RAET1E: variants seen among roughly 807,000 people sequenced by gnomAD.
RAET1E encodes the protein NKG2D ligand 4.
A neutral mutation model predicts 21.1 loss-of-function variants in RAET1E; 27 were observed. The ratio of observed to expected loss-of-function variants is 1.28; its 90% CI spans 0.94 to 1.76. RAET1E has a LOEUF of 1.76. Ranked by LOEUF, RAET1E falls within the 40% of genes most tolerant of loss-of-function variation. RAET1E has a pLI of 0.00. For synonymous variants in RAET1E, 113 were observed against 115.0 expected, an observed-to-expected ratio of 0.98 and a Z score of 0.11; for missense variants, 310 against 311.3, an observed-to-expected ratio of 1.00 and a Z score of 0.03.
intron 5 of RAET1E, 145 bp downstream of exon 5, chr6:149,889,203 C>T (rs1777760221): frequency 6.9e-7 from 1 of 1,451,056 alleles, no homozygotes; most frequent in Non-Finnish European, 9.0e-7. Context: ...GTGGGAAATC[C>T]TTATAGCCAT....
At chr6:149,893,654 C>A (rs1390876093) in intron 2 of RAET1E, among the ~76,000 whole-genome samples, 1 of 152,158 alleles carries the variant, frequency 6.6e-6, no homozygotes. Flanking sequence ...CAAACAGAGA[C>A]AATTTGACTT....
At chr6:149,891,827 C>T (rs1174506175) in intron 2 of RAET1E, among the ~76,000 whole-genome samples, 2 of 152,096 alleles carry the variant, frequency 1.3e-5, no homozygotes, top group African/African-American at 4.8e-5. Flanking sequence ...TTGCTGCACC[C>T]ATCAACCCAT....
intron 1 of RAET1E, among the ~76,000 whole-genome samples, chr6:149,897,363 C>A (rs373191811): frequency 6.6e-6 from 1 of 152,116 alleles, no homozygotes; most frequent in Non-Finnish European, 1.5e-5. Flanking sequence ...AAGTAAGAAG[C>A]GGGTGATAAG....
rs9383921 is a variant in RAET1E at position 149,889,549 on chromosome 6, C to T, written c.421G>A (p.Ala141Thr). The T allele has an allele frequency of 0.41, 656,993 of 1,613,406 alleles. 141,331 individuals are homozygous for T. The highest frequency in any genetic ancestry group is 0.87 in the East Asian group (38,814 of 44,828). ...AGGAGGGATTTCTCTCCATTGGTGG[C>T]GAACTGCCAGGATGCACCAGTGCAC... ...ERCTGASWQFATNGEKSLLFD... is the reference protein window; with the variant it reads ...ERCTGASWQFTTNGEKSLLFD... The change falls in exon 5 of 6, where the codon GCC becomes ACC. Residue 141 changes from alanine (A) to threonine (T), a missense_variant. Physicochemically the swap from Ala to Thr is moderately conservative, Grantham distance 58 (BLOSUM62 0). Coordinates refer to ENST00000357183, the MANE Select transcript of RAET1E (RefSeq NM_001394057.1).
rs76016324 is a variant in RAET1E, at chr6:149,885,365, C to T, written c.*3133G>A. Among the ~76,000 whole-genome samples, 3,082 of 152,270 alleles carry T rather than the reference C, an allele frequency of 0.02. 99 individuals carry two copies. The highest frequency in any genetic ancestry group is 0.07 in the African/African-American group (2,920 of 41,540). On this transcript the variant is annotated 3_prime_UTR_variant, in exon 6 of 6. Transcript: ENST00000357183. ...CAGCCTTTGCCTTTCTCCTGTTGGC[C>T]AGGGACAGAGAGGGCTCAACTTGAC...
At chr6:149,895,271 G>T (rs146567933) in intron 2 of RAET1E, among the ~76,000 whole-genome samples, 1,927 of 152,344 alleles carry the variant, frequency 0.013, 35 homozygotes, top group African/African-American at 0.044. Context: ...CTGACCCTTA[G>T]CAGAGCTCGA....
chr6:149,888,315 G>T lies in RAET1E; in HGVS notation c.*183C>A. 1 of 774,072 alleles carries T rather than the reference G, an allele frequency of 1.3e-6. No homozygotes were observed. Among genetic ancestry groups the T allele is most frequent in the South Asian group, 1.6e-5 (1 of 63,022 alleles). The allele number at this position is 774,072 out of a possible 1,614,324, so 48.0% of individuals were successfully genotyped here. A position where few individuals can be genotyped will look rare whatever the true frequency, so the allele number is the denominator to read the frequency against. ...GCAGGCGTTCCAGATCTTTGACCTT[G>T]CCCCTCCTCGAGAGGAGATGATTGC... On this transcript the variant is annotated 3_prime_UTR_variant, in exon 6 of 6. Coordinates refer to ENST00000357183, the MANE Select transcript of RAET1E (RefSeq NM_001394057.1).
At chr6:149,895,486 C>T (rs1156534930) in intron 2 of RAET1E, 4 of 152,252 alleles carry the variant, frequency 2.6e-5, no homozygotes, top group Non-Finnish European at 4.4e-5. Flanking sequence ...TTTGTTTACA[C>T]TGTGACCTTA....
Position 149,884,347 on chromosome 6 carries a change from A to G in RAET1E, c.*4151T>C. ...GAGACGGAGTCTTGCTCTGTTGCCA[A>G]GACTGGAATGCAGAGGCGCGATCTC... is the stretch of plus-strand genomic sequence containing the variant. On this transcript the variant is annotated 3_prime_UTR_variant, in exon 6 of 6. Coordinates refer to ENST00000357183, the MANE Select transcript of RAET1E (RefSeq NM_001394057.1). 1 of 790,596 alleles carries G rather than the reference A, an allele frequency of 1.3e-6. No individual in the cohort carries two copies. Among genetic ancestry groups the G allele is most frequent in the Non-Finnish European group, 2.0e-6 (1 of 488,114 alleles). 49.0% of individuals were successfully genotyped at this position (790,596 alleles called of 1,614,324 possible).
chr6:149,888,713 TAA>T (rs5880858), intron 5 of RAET1E, 46 bp from the exon 6 acceptor site: 4,335 of 1,275,398 alleles, frequency 3.4e-3, no homozygotes, highest in East Asian at 0.025. Context: ...CCCTGTCACA[TAA>T]AAAAAAAAAG....
At chr6:149,893,460 G>A (rs1777992135) in intron 2 of RAET1E, among the ~76,000 whole-genome samples, 1 of 151,818 alleles carries the variant, frequency 6.6e-6, no homozygotes, top group Non-Finnish European at 1.5e-5. Flanking sequence ...TCTCTTTGTA[G>A]CAATTGTGAA....
Position 149,888,354 on chromosome 6 carries a change from T to C in RAET1E, c.*144A>G. The C allele has an allele frequency of 1.0e-6, 1 of 981,724 alleles. No individual in the cohort carries two copies. The highest frequency in any genetic ancestry group is 1.5e-6 in the Non-Finnish European group (1 of 647,180). The allele number at this position is 981,724 out of a possible 1,614,324, so 60.8% of individuals were successfully genotyped here. On this transcript the variant is annotated 3_prime_UTR_variant, in exon 6 of 6. Coordinates refer to ENST00000357183, the MANE Select transcript of RAET1E (RefSeq NM_001394057.1). ...GGAGATGATTGCTTCATCCCTCCTCTCACTGCACATTGTGCTGCCAGCCCT... is the reference window on the plus strand; with the variant it reads ...GGAGATGATTGCTTCATCCCTCCTCCCACTGCACATTGTGCTGCCAGCCCT...
chr6:149,889,388 C>T lies in RAET1E; in HGVS notation c.582G>A (p.Arg194=). Residue 194 remains arginine (R), a synonymous_variant, in exon 5 of 6, where the codon AGG becomes AGA. Transcript: ENST00000357183. ...TTGCCTCCCAGTGCCCTAAGAATTC[C>T]CTGAGCCAGTGATCGCAGTCTCCCT... is the stretch of plus-strand genomic sequence containing the variant. ...LSKGDCDHWL[R]EFLGHWEAMP... is the part of the protein sequence containing the mutation. 1 of 1,614,228 alleles carries T rather than the reference C, an allele frequency of 6.2e-7. No homozygotes were observed. The highest frequency in any genetic ancestry group is 8.5e-7 in the Non-Finnish European group (1 of 1,180,052).
chr6:149,895,210 T>C (rs1778067282), intron 2 of RAET1E, among the ~76,000 whole-genome samples: 1 of 152,116 alleles, frequency 6.6e-6, no homozygotes, highest in Non-Finnish European at 1.5e-5. Flanking sequence ...TACTGGGAGG[T>C]GTCTCCCAGT....
In RAET1E at chr6:149,889,939, C is replaced by A; in HGVS notation, c.292G>T (p.Gly98Trp). 1 of 1,614,078 alleles carries A rather than the reference C, an allele frequency of 6.2e-7. No individual in the cohort carries two copies. The highest frequency in any genetic ancestry group is 8.5e-7 in the Non-Finnish European group (1 of 1,180,026). The change falls in exon 4 of 6, where the codon GGG becomes TGG. Residue 98 changes from glycine (G) to tryptophan (W), a missense_variant. Physicochemically the swap from Gly to Trp is radical, Grantham distance 184. Coordinates refer to ENST00000357183, the MANE Select transcript of RAET1E (RefSeq NM_001394057.1). ...GELTQTLGEV[G>W]RDLRMLLCDI... ...CAAAGGAGCATCCTGAGGTCTCGCC[C>A]CACTTCTCCCAGCGTTTGGGTCAAT... is the stretch of plus-strand genomic sequence containing the variant.
In RAET1E at chr6:149,890,979, C is replaced by T. The variant is rs1777869057; in HGVS notation, c.-78G>A. 2 of 1,085,956 alleles carry T rather than the reference C, an allele frequency of 1.8e-6. No homozygotes were observed. Among genetic ancestry groups the T allele is most frequent in the Admixed American group, 1.8e-5 (1 of 54,660 alleles). The allele number at this position is 1,085,956 out of a possible 1,614,324, so 67.3% of individuals were successfully genotyped here. On this transcript the variant is annotated 5_prime_UTR_variant, in exon 3 of 6. Transcript: ENST00000357183. ...GGTATGGTGAAGAAATGTTATCCAACAGCGTGGGTGTGGGCACTGCCCAAA... is the reference window on the plus strand; with the variant it reads ...GGTATGGTGAAGAAATGTTATCCAATAGCGTGGGTGTGGGCACTGCCCAAA...
chr6:149,894,935 T>C (rs1409694702), intron 2 of RAET1E, among the ~76,000 whole-genome samples: 1 of 152,240 alleles, frequency 6.6e-6, no homozygotes, highest in African/African-American at 2.4e-5. Flanking sequence ...GTCTTTAATG[T>C]TGGTGACCTT....
chr6:149,891,724 A>AAG (rs1260840390), intron 2 of RAET1E, among the ~76,000 whole-genome samples: 12 of 149,350 alleles, frequency 8.0e-5, no homozygotes, highest in African/African-American at 3.1e-4. Flanking sequence ...CCATCTCTAC[A>AAG]AAAAAAAATT....
rs551102809 is a variant in RAET1E at position 149,887,955 on chromosome 6, G to A, written c.*543C>T. Among the ~76,000 whole-genome samples the A allele has an allele frequency of 2.6e-5, 4 of 152,204 alleles. No homozygotes were observed. Among genetic ancestry groups the A allele is most frequent in the Non-Finnish European group, 4.4e-5 (3 of 68,010 alleles). ...TGTTGGCTCCCCCTGTAATCCCAGC[G>A]CTTTGGGAGGCCGAGGCGGGAGCAT... On this transcript the variant is annotated 3_prime_UTR_variant, in exon 6 of 6. Coordinates refer to ENST00000357183, the MANE Select transcript of RAET1E (RefSeq NM_001394057.1).
Sources: allele counts gnomAD v4.1 joint callset (sites outside exome capture counted in the v4.1 genomes callset), GRCh38; gene constraint gnomAD v4.1.1; transcripts MANE v1.5; gene names NCBI Gene and HGNC (gene_info 2026-07-23, HGNC 2026-07-21).